The following TMEM260 variants were observed in gnomAD, a reference collection of about 807,000 sequenced individuals.
TMEM260 encodes the protein transmembrane protein 260, also known as protein O-mannosyl-transferase TMEM260.
TMEM260 carries 82 observed loss-of-function variants against 88.9 expected under a neutral mutation model. The observed-to-expected ratio is 0.92, with a 90% CI of 0.77 to 1.11. TMEM260 has a LOEUF of 1.11. TMEM260 is among the 50% of genes least tolerant of loss of function. The pLI is 0.00. For missense variants in TMEM260, 902 were observed against 853.4 expected (o/e 1.06, Z -0.71); for synonymous variants, 314 against 309.3 (o/e 1.02, Z -0.16).
the TMEM260 span, among the ~76,000 whole-genome samples, chr14:56,657,992 C>T: frequency 6.6e-6 from 1 of 152,162 alleles, no homozygotes; most frequent in Admixed American, 6.5e-5. Context: ...CCCACCTCTC[C>T]CACTGCCACC....
At chr14:56,592,114 T>C (rs1327508463) in intron 3 of TMEM260, among the ~76,000 whole-genome samples, 1 of 152,196 alleles carries the variant, frequency 6.6e-6, no homozygotes, top group Non-Finnish European at 1.5e-5. Context: ...TAGCTGAAAA[T>C]TCTGGGTAAA....
At chr14:56,582,046 T>C (rs920386005) in intron 1 of TMEM260, among the ~76,000 whole-genome samples, 5 of 152,242 alleles carry the variant, frequency 3.3e-5, no homozygotes, top group Admixed American at 1.3e-4. Context: ...GCTTCTAATA[T>C]TTTTATGTTC....
At chr14:56,608,424 C>T (rs1007758574) in intron 5 of TMEM260, among the ~76,000 whole-genome samples, 10 of 151,986 alleles carry the variant, frequency 6.6e-5, no homozygotes, top group African/African-American at 2.2e-4. Flanking sequence ...AAAACTTTGT[C>T]GATATTGTCC....
rs1885454703 is a variant in TMEM260, at chr14:56,585,754, TC to T, written c.193-5del. The T allele has an allele frequency of 6.2e-7, 1 of 1,610,612 alleles. No individual in the cohort carries two copies. Among genetic ancestry groups the T allele is most frequent in the East Asian group, 2.2e-5 (1 of 44,836 alleles). On this transcript the variant is annotated splice_region_variant and splice_polypyrimidine_tract_variant and intron_variant, in intron 2 of 15. Transcript: ENST00000261556. Reference sequence around the variant, plus strand: ...AAACCTTCTAACTGTTGCTAATTTTTCCGTAGGTTGCCCATCCTCCTGGCTA... The same window carrying T: ...AAACCTTCTAACTGTTGCTAATTTTTCGTAGGTTGCCCATCCTCCTGGCTA...
chr14:56,625,117 G>A (rs140721608), intron 11 of TMEM260, among the ~76,000 whole-genome samples: 1 of 152,298 alleles, frequency 6.6e-6, no homozygotes, highest in Non-Finnish European at 1.5e-5. Context: ...GTATAAGAAT[G>A]GGGGAAGGTC....
intron 15 of TMEM260, among the ~76,000 whole-genome samples, chr14:56,643,459 A>G (rs1433884805): frequency 6.6e-6 from 1 of 151,944 alleles, no homozygotes; most frequent in East Asian, 1.9e-4. Context: ...AAATTCAACA[A>G]CCCTTCATGC....
At chr14:56,610,879 G>A (rs550691982) in intron 6 of TMEM260, among the ~76,000 whole-genome samples, 34 of 151,730 alleles carry the variant, frequency 2.2e-4, no homozygotes, top group Non-Finnish European at 3.1e-4. Flanking sequence ...GTATAAAAAG[G>A]TTATTAATTT....
rs17091757 is a variant in TMEM260, at chr14:56,591,628, T to G, written c.344+5716T>G. ...TGAATGCAAAATACATTTTGAAGAT[T>G]GAGTAACAAACTAATCTTGAGGTTT... is the stretch of plus-strand genomic sequence containing the variant. On this transcript the variant is annotated intron_variant, in intron 3 of 15. Transcript: ENST00000261556. Among the ~76,000 whole-genome samples the G allele has an allele frequency of 8.5e-3, 1,300 of 152,356 alleles. 35 individuals are homozygous for G. The East Asian group carries it at 0.086, about 10-fold the overall frequency.
intron 14 of TMEM260, among the ~76,000 whole-genome samples, chr14:56,635,196 A>G (rs1320382107): frequency 6.6e-6 from 1 of 152,196 alleles, no homozygotes; most frequent in South Asian, 2.1e-4. Flanking sequence ...TGGAAAGGCT[A>G]CTTGTCCAAG....
intron 7 of TMEM260, chr14:56,613,753 GTTTTC>G (rs1887426324): frequency 6.6e-6 from 1 of 151,904 alleles, no homozygotes. Context: ...AAGAAGCTCA[GTTTTC>G]TTTTCAAAAA....
intron 3 of TMEM260, among the ~76,000 whole-genome samples, chr14:56,590,739 TG>T (rs1273742104): frequency 6.6e-6 from 1 of 152,232 alleles, no homozygotes; most frequent in Non-Finnish European, 1.5e-5. Flanking sequence ...GAGTCAAGTC[TG>T]ATAACAGTGC....
At chr14:56,646,753 G>A (rs1213670755) in intron 15 of TMEM260, among the ~76,000 whole-genome samples, 1 of 152,042 alleles carries the variant, frequency 6.6e-6, no homozygotes, top group African/African-American at 2.4e-5. Flanking sequence ...AGTGTTGTTA[G>A]TGTTGTTTTT....
At chr14:56,629,245 C>T (rs181969960) in intron 12 of TMEM260, among the ~76,000 whole-genome samples, 104 of 148,606 alleles carry the variant, frequency 7.0e-4, no homozygotes, top group East Asian at 5.9e-4. Context: ...TTTACTATAT[C>T]GCTTGGTAAA....
intron 3 of TMEM260, among the ~76,000 whole-genome samples, chr14:56,587,930 C>T (rs1447389182): frequency 2.0e-5 from 3 of 152,022 alleles, no homozygotes; most frequent in South Asian, 2.1e-4. Context: ...GTTACAATTT[C>T]ATTTGTTGTA....
intron 3 of TMEM260, among the ~76,000 whole-genome samples, chr14:56,588,205 C>T (rs1451549677): frequency 6.6e-6 from 1 of 152,008 alleles, no homozygotes; most frequent in African/African-American, 2.4e-5. Flanking sequence ...TTTCTTTCCC[C>T]CATCACTTAA....
intron 3 of TMEM260, among the ~76,000 whole-genome samples, chr14:56,595,314 G>GGA (rs1886137501): frequency 2.0e-5 from 3 of 152,122 alleles, no homozygotes; most frequent in Non-Finnish European, 4.4e-5. Context: ...AATATGTAGT[G>GGA]TCTTATTGAT....
chr14:56,634,159 G>C (rs1199362119), intron 13 of TMEM260, among the ~76,000 whole-genome samples: 2 of 152,120 alleles, frequency 1.3e-5, no homozygotes. Flanking sequence ...ATTGTTCTTT[G>C]AGCAGCATCA....
At position 56,615,577 on chromosome 14, in the gene TMEM260, T is replaced by C. The variant is rs138982916; in HGVS notation, c.858-367T>C. The C allele has an allele frequency of 6.0e-5, 10 of 165,440 alleles. No homozygotes were observed. The East Asian group carries it at 1.7e-3, about 27-fold the overall frequency. 10.2% of individuals were successfully genotyped at this position (165,440 alleles called of 1,614,324 possible). On this transcript the variant is annotated intron_variant, in intron 7 of 15. Transcript: ENST00000261556. ...ATTTTGTTATCATTTGCTAAATCACTGGAGGCCATGTCTACACTGCCAAGA... is the reference window on the plus strand; with the variant it reads ...ATTTTGTTATCATTTGCTAAATCACCGGAGGCCATGTCTACACTGCCAAGA...
intron 9 of TMEM260, among the ~76,000 whole-genome samples, chr14:56,617,897 CGGGTGGG>C: frequency 6.6e-6 from 1 of 152,304 alleles, no homozygotes; most frequent in African/African-American, 2.4e-5. Context: ...TACAGTACAA[CGGGTGGG>C]AGAATCACTT....
Sources: gnomAD v4.1 joint callset for allele counts (sites outside exome capture counted in the v4.1 genomes callset) on GRCh38, gnomAD v4.1.1 for gene constraint, MANE v1.5 for transcripts, NCBI Gene and HGNC (gene_info 2026-07-23, HGNC 2026-07-21) for gene names.